Variants in PRKG1 observed in about 807,000 individuals in gnomAD.
The protein encoded by PRKG1 is protein kinase cGMP-dependent 1.
PRKG1 carries 35 observed loss-of-function variants against 88.1 expected under a neutral mutation model. That is an observed-to-expected ratio of 0.40 (90% CI 0.30 to 0.53). The LOEUF (loss-of-function observed/expected upper bound fraction) is 0.53, where lower values mean the gene tolerates loss of function less well. PRKG1 is among the 20% of genes least tolerant of loss of function. The probability of loss-of-function intolerance (pLI) is 0.59; values close to 1 mark genes in which losing one functional copy is unlikely to be tolerated. For missense variants in PRKG1, 540 were observed against 839.8 expected, an observed-to-expected ratio of 0.64 and a Z score of 4.41; for synonymous variants, 303 against 292.5, an observed-to-expected ratio of 1.04 and a Z score of -0.37.
chr10:52,012,197 T>C (rs1287105390), intron 5 of PRKG1, among the ~76,000 whole-genome samples: 4 of 151,386 alleles, frequency 2.6e-5, no homozygotes, highest in African/African-American at 9.8e-5. Context: ...ACTTGGACTA[T>C]TGCACAGTTT....
chr10:51,099,444 C>A (rs1376524412), intron 1 of PRKG1, among the ~76,000 whole-genome samples: 2 of 150,714 alleles, frequency 1.3e-5, no homozygotes, highest in African/African-American at 4.9e-5. Flanking sequence ...ATTTTAATAA[C>A]TAGCATTGCA....
At chr10:51,613,748 C>T (rs1051502745) in intron 3 of PRKG1, among the ~76,000 whole-genome samples, 2 of 151,754 alleles carry the variant, frequency 1.3e-5, no homozygotes, top group African/African-American at 4.8e-5. Context: ...ACCCAATGGT[C>T]ACTCAAGAAC....
chr10:51,830,034 TA>T (rs1345044444), intron 4 of PRKG1, among the ~76,000 whole-genome samples: 1 of 152,150 alleles, frequency 6.6e-6, no homozygotes, highest in African/African-American at 2.4e-5. Context: ...TCATATTCCT[TA>T]ATACCTATAT....
intron 4 of PRKG1, among the ~76,000 whole-genome samples, chr10:51,881,711 G>A (rs1359302817): frequency 6.6e-6 from 1 of 152,130 alleles, no homozygotes; most frequent in Non-Finnish European, 1.5e-5. Context: ...GGAAGGAAAA[G>A]ATTTGTTTTG....
chr10:52,245,624 C>T (rs1263978188), intron 9 of PRKG1, among the ~76,000 whole-genome samples: 1 of 151,940 alleles, frequency 6.6e-6, no homozygotes, highest in East Asian at 1.9e-4. Context: ...ATTTTATTTT[C>T]GTAGTTTTCC....
At chr10:51,986,881 G>A (rs986892184) in intron 5 of PRKG1, among the ~76,000 whole-genome samples, 1 of 152,142 alleles carries the variant, frequency 6.6e-6, no homozygotes, top group African/African-American at 2.4e-5. Flanking sequence ...TCTATCTTGA[G>A]CATACACAAC....
chr10:52,021,461 C>G (rs1903952), intron 5 of PRKG1, among the ~76,000 whole-genome samples: 151,626 of 152,346 alleles, frequency 1, 75,457 homozygotes, highest in Middle Eastern at 1. Context: ...TCATTAAAGA[C>G]AGTAAGAAAT....
intron 3 of PRKG1, among the ~76,000 whole-genome samples, chr10:51,689,112 G>A (rs1047871735): frequency 8.5e-5 from 13 of 152,122 alleles, no homozygotes; most frequent in African/African-American, 2.9e-4. Flanking sequence ...CCTCAGCCAC[G>A]TGGAACTGTG....
At chr10:51,506,042 C>G (rs972065146) in intron 3 of PRKG1, among the ~76,000 whole-genome samples, 3 of 151,846 alleles carry the variant, frequency 2.0e-5, no homozygotes, top group African/African-American at 4.8e-5. Context: ...CTGACAAAAA[C>G]AAGAAATGGG....
chr10:52,272,718 A>G (rs1841764123), intron 12 of PRKG1, among the ~76,000 whole-genome samples: 1 of 152,132 alleles, frequency 6.6e-6, no homozygotes, highest in Non-Finnish European at 1.5e-5. Context: ...AAAATGGTAC[A>G]TAGCAAAATA....
At chr10:51,675,379 A>T (rs1057481090) in intron 3 of PRKG1, among the ~76,000 whole-genome samples, 3 of 152,178 alleles carry the variant, frequency 2.0e-5, no homozygotes, top group African/African-American at 7.2e-5. Context: ...CCTTGTTGAG[A>T]AAGACTGATT....
At chr10:51,457,980 A>G (rs1008686872) in intron 2 of PRKG1, among the ~76,000 whole-genome samples, 2 of 152,150 alleles carry the variant, frequency 1.3e-5, no homozygotes, top group African/African-American at 4.8e-5. Flanking sequence ...TGAGAAAATA[A>G]GTTTAAAAGC....
At chr10:51,792,417 C>T (rs1421572742) in intron 3 of PRKG1, among the ~76,000 whole-genome samples, 1 of 152,104 alleles carries the variant, frequency 6.6e-6, no homozygotes, top group Non-Finnish European at 1.5e-5. Context: ...ATTCTTTCCG[C>T]TTCTTCCCCA....
intron 2 of PRKG1, among the ~76,000 whole-genome samples, chr10:51,382,812 T>C (rs1043047653): frequency 9.9e-5 from 15 of 152,202 alleles, no homozygotes; most frequent in African/African-American, 3.6e-4. Context: ...GTGTCAACTT[T>C]GCTTTTCCGT....
At chr10:51,947,259 C>T (rs1179867951) in intron 5 of PRKG1, among the ~76,000 whole-genome samples, 2 of 152,136 alleles carry the variant, frequency 1.3e-5, no homozygotes, top group Non-Finnish European at 2.9e-5. Flanking sequence ...GCGTAGGACC[C>T]TCGGAGCCAG....
intron 2 of PRKG1, among the ~76,000 whole-genome samples, chr10:51,218,639 TATA>T (rs1454562875): frequency 6.6e-6 from 1 of 150,774 alleles, no homozygotes; most frequent in African/African-American, 2.4e-5. Flanking sequence ...GCATATTAAA[TATA>T]AACACCAATG....
At chr10:51,529,241 A>G (rs1021149629) in intron 3 of PRKG1, among the ~76,000 whole-genome samples, 1 of 151,338 alleles carries the variant, frequency 6.6e-6, no homozygotes, top group Non-Finnish European at 1.5e-5. Flanking sequence ...CATGATACCA[A>G]CCTATTCAAG....
At chr10:51,974,097 A>G (rs1302743141) in intron 5 of PRKG1, among the ~76,000 whole-genome samples, 1 of 152,168 alleles carries the variant, frequency 6.6e-6, no homozygotes, top group Non-Finnish European at 1.5e-5. Flanking sequence ...CATGGCCTGC[A>G]AAGACTAAAA....
intron 2 of PRKG1, among the ~76,000 whole-genome samples, chr10:51,432,512 T>A (rs1838798890): frequency 6.6e-6 from 1 of 152,184 alleles, no homozygotes; most frequent in African/African-American, 2.4e-5. Context: ...AACAGATGTT[T>A]AAACAGATGA....
Sources: allele counts gnomAD v4.1 joint callset (sites outside exome capture counted in the v4.1 genomes callset), GRCh38; gene constraint gnomAD v4.1.1; transcripts MANE v1.5; gene names NCBI Gene and HGNC (gene_info 2026-07-23, HGNC 2026-07-21).